Variants in GALNT16 observed in about 807,000 individuals in gnomAD.
GALNT16 encodes the protein UDP-GalNAc:polypeptide N-acetylgalactosaminyltransferase-like protein 1.
In GALNT16, 40 loss-of-function variants were observed where a neutral mutation model predicts 76.1. The ratio of observed to expected loss-of-function variants is 0.53; its 90% confidence interval spans 0.41 to 0.68. The LOEUF is 0.68. GALNT16 is among the 30% of genes least tolerant of loss of function. The pLI is 0.00. For missense variants in GALNT16, 621 were observed against 731.9 expected (o/e 0.85, Z 1.75); for synonymous variants, 276 against 285.2 (o/e 0.97, Z 0.32).
At chr14:69,381,049 G>A in the GALNT16 span, among the ~76,000 whole-genome samples, 1 of 152,180 alleles carries the variant, frequency 6.6e-6, no homozygotes, top group East Asian at 1.9e-4. Flanking sequence ...TTGGGAGGCT[G>A]AGGCGGGTGA....
chr14:69,284,481 A>G (rs1275416460), intron 1 of GALNT16, among the ~76,000 whole-genome samples: 1 of 152,142 alleles, frequency 6.6e-6, no homozygotes, highest in Admixed American at 6.5e-5. Context: ...GTGGCTGCTC[A>G]CTCATGACAA....
chr14:69,307,520 G>T (rs1017964551), intron 1 of GALNT16, among the ~76,000 whole-genome samples: 8 of 152,150 alleles, frequency 5.3e-5, no homozygotes, highest in Non-Finnish European at 8.8e-5. Flanking sequence ...CAGTCATTTA[G>T]TGATGGCCTC....
chr14:69,311,873 A>G (rs377366943), intron 1 of GALNT16, among the ~76,000 whole-genome samples: 24 of 152,208 alleles, frequency 1.6e-4, no homozygotes, highest in African/African-American at 5.8e-4. Context: ...TAAGTGTTCT[A>G]TATGTTATAC....
At chr14:69,303,080 C>G (rs2044876883) in intron 1 of GALNT16, among the ~76,000 whole-genome samples, 1 of 152,064 alleles carries the variant, frequency 6.6e-6, no homozygotes, top group Non-Finnish European at 1.5e-5. Flanking sequence ...TTTATAACAC[C>G]CTAGAATCAA....
At chr14:69,355,161 C>T (rs975566704), downstream of GALNT16, 1 of 152,324 alleles carries the variant, frequency 6.6e-6, no homozygotes, top group Non-Finnish European at 1.5e-5. Flanking sequence ...ACACCACTAG[C>T]CTCTCCTGGA....
intron 2 of GALNT16, 47 bp downstream of exon 2, chr14:69,320,915 C>T: frequency 1.9e-6 from 3 of 1,560,970 alleles, no homozygotes; most frequent in Non-Finnish European, 2.6e-6. Flanking sequence ...TGAGAGAAAG[C>T]CAACATTGTT....
chr14:69,375,124 C>A, the GALNT16 span, among the ~76,000 whole-genome samples: 1 of 152,186 alleles, frequency 6.6e-6, no homozygotes, highest in South Asian at 2.1e-4. Flanking sequence ...GATGAAGCTA[C>A]ACTTTTATCA....
intron 1 of GALNT16, among the ~76,000 whole-genome samples, chr14:69,311,355 G>T (rs1046725672): frequency 1.4e-4 from 22 of 152,296 alleles, no homozygotes; most frequent in African/African-American, 4.8e-4. Context: ...TGAGGGCAGA[G>T]CCTTTCTGAC....
At chr14:69,359,909 C>T (rs2140214451), downstream of GALNT16, among the ~76,000 whole-genome samples, 1 of 152,216 alleles carries the variant, frequency 6.6e-6, no homozygotes, top group East Asian at 1.9e-4. Context: ...CCTGTAGTCC[C>T]AGCTACTCGG....
At chr14:69,375,616 G>C in the GALNT16 span, among the ~76,000 whole-genome samples, 1 of 152,018 alleles carries the variant, frequency 6.6e-6, no homozygotes, top group African/African-American at 2.4e-5. Flanking sequence ...TTTTTTTAAA[G>C]TGATTTCTCT....
rs2045662469 is a variant in GALNT16 at position 69,353,394 on chromosome 14, T to G, written c.*1226T>G. The G allele has an allele frequency of 6.6e-6, 1 of 152,384 alleles. No individual in the cohort carries two copies. The highest frequency in any genetic ancestry group is 2.1e-4 in the South Asian group (1 of 4,834). The allele number at this position is 152,384 out of a possible 1,614,324, so 9.4% of individuals were successfully genotyped here. A position where few individuals can be genotyped will look rare whatever the true frequency, so the allele number is the denominator to read the frequency against. On this transcript the variant is annotated 3_prime_UTR_variant, in exon 15 of 15. Transcript: ENST00000448469. ...TGGGAGGCTGGCTGTGGCTCCTGTT[T>G]GTGAAGAGAACTCCCAGTTCCTTTT... is the stretch of plus-strand genomic sequence containing the variant.
At chr14:69,272,509 T>C (rs2044418149) in intron 1 of GALNT16, among the ~76,000 whole-genome samples, 1 of 152,186 alleles carries the variant, frequency 6.6e-6, no homozygotes, top group South Asian at 2.1e-4. Context: ...GGAACTGAAA[T>C]ATTCCTCCCC....
chr14:69,301,475 T>G (rs2044851669), intron 1 of GALNT16, among the ~76,000 whole-genome samples: 1 of 152,086 alleles, frequency 6.6e-6, no homozygotes, highest in African/African-American at 2.4e-5. Context: ...TGCCTCAAAC[T>G]CCCTAATAGC....
intron 9 of GALNT16, among the ~76,000 whole-genome samples, chr14:69,335,938 C>T (rs944903876): frequency 3.9e-5 from 6 of 152,132 alleles, no homozygotes; most frequent in Non-Finnish European, 8.8e-5. Context: ...CCTTTTAAAA[C>T]ATAGATTATG....
intron 1 of GALNT16, among the ~76,000 whole-genome samples, chr14:69,278,288 C>T (rs935527810): frequency 3.3e-5 from 5 of 152,084 alleles, no homozygotes; most frequent in Admixed American, 2.0e-4. Context: ...GGATTACAGG[C>T]GTGAGCCACC....
chr14:69,327,808 G>T (rs2045304441), intron 5 of GALNT16, among the ~76,000 whole-genome samples: 1 of 152,226 alleles, frequency 6.6e-6, no homozygotes, highest in Admixed American at 6.5e-5. Context: ...GCAGAGTGCT[G>T]CCCAAAATGA....
chr14:69,328,660 C>A, intron 6 of GALNT16, 89 bp downstream of exon 6: 3 of 1,396,342 alleles, frequency 2.1e-6, no homozygotes, highest in Non-Finnish European at 9.8e-7. Context: ...GTATTTGAAG[C>A]TGGGCAGGCA....
At chr14:69,356,717 A>C (rs931505954), downstream of GALNT16, 3 of 121,924 alleles carry the variant, frequency 2.5e-5, no homozygotes, top group African/African-American at 8.7e-5. Flanking sequence ...CACCATGCCC[A>C]GCTAATTTTT....
chr14:69,369,910 A>T, the GALNT16 span, among the ~76,000 whole-genome samples: 1 of 152,294 alleles, frequency 6.6e-6, no homozygotes, highest in East Asian at 1.9e-4. Flanking sequence ...GAATTCAGAA[A>T]ACACATTTGC....
Sources: gnomAD v4.1 joint callset for allele counts (sites outside exome capture counted in the v4.1 genomes callset) on GRCh38, gnomAD v4.1.1 for gene constraint, MANE v1.5 for transcripts, NCBI Gene and HGNC (gene_info 2026-07-23, HGNC 2026-07-21) for gene names.